Variants in LSM11 observed in about 807,000 individuals in gnomAD.
LSM11 encodes the protein LSM11, U7 small nuclear RNA associated.
LSM11 carries 14 observed loss-of-function variants against 28.1 expected under a neutral mutation model. The ratio of observed to expected loss-of-function variants is 0.50; its 90% CI spans 0.33 to 0.78. LSM11 has a LOEUF of 0.78. LSM11 is among the 30% of genes least tolerant of loss of function. LSM11 has a pLI of 0.02. For synonymous variants in LSM11, 207 were observed against 214.2 expected (o/e 0.97, Z 0.30); for missense variants, 495 against 510.6 (o/e 0.97, Z 0.30).
rs1025932718 is a variant in LSM11 at position 157,755,429 on chromosome 5, G to C, written c.*165G>C. 4 of 737,608 alleles carry C rather than the reference G, an allele frequency of 5.4e-6. No individual in the cohort carries two copies. Among genetic ancestry groups the C allele is most frequent in the Non-Finnish European group, 8.6e-6 (4 of 463,926 alleles). The allele number at this position is 737,608 out of a possible 1,614,324, so 45.7% of individuals were successfully genotyped here. A position where few individuals can be genotyped will look rare whatever the true frequency, so the allele number is the denominator to read the frequency against. On this transcript the variant is annotated 3_prime_UTR_variant, in exon 4 of 4. Coordinates refer to ENST00000286307, the MANE Select transcript of LSM11 (RefSeq NM_173491.4). ...CCCTGGAAGATGAGCTCAAGGGGAG[G>C]ACAGGCCTTGGGAGGGCAGGCGTTT...
rs1761335012 is a variant in LSM11 at position 157,756,833 on chromosome 5, G to A, written c.*1569G>A. The A allele has an allele frequency of 6.6e-6, 1 of 152,570 alleles. No homozygotes were observed. The highest frequency in any genetic ancestry group is 1.9e-4 in the East Asian group (1 of 5,176). The allele number at this position is 152,570 out of a possible 1,614,324, so 9.5% of individuals were successfully genotyped here. The stretch of plus-strand genomic sequence containing the variant: ...TGTTTCATAGCTTTGTAAGAATTCT[G>A]TGTCTTTATAAGACACAGAAGCAAG... On this transcript the variant is annotated 3_prime_UTR_variant, in exon 4 of 4. Transcript: ENST00000286307.
intron 1 of LSM11, among the ~76,000 whole-genome samples, chr5:157,746,306 G>A (rs1408625943): frequency 6.6e-6 from 1 of 152,194 alleles, no homozygotes; most frequent in Non-Finnish European, 1.5e-5. Flanking sequence ...CACATAAAAT[G>A]TAAGTTCCAT....
intron 3 of LSM11, 76 bp from the exon 4 acceptor site, chr5:157,754,778 G>T: frequency 8.0e-7 from 1 of 1,245,896 alleles, no homozygotes; most frequent in Non-Finnish European, 1.1e-6. Context: ...TAAAGAATTT[G>T]GTCTTTTTCT....
chr5:157,751,639 T>A, intron 2 of LSM11, 110 bp downstream of exon 2: 1 of 1,211,002 alleles, frequency 8.3e-7, no homozygotes, highest in Non-Finnish European at 1.2e-6. Context: ...AATAACTTCT[T>A]AGAAGAACTA....
chr5:157,752,118 A>T, intron 2 of LSM11, among the ~76,000 whole-genome samples: 1 of 152,168 alleles, frequency 6.6e-6, no homozygotes, highest in Non-Finnish European at 1.5e-5. Flanking sequence ...AAATAAGGAT[A>T]GAGGTGAAGC....
rs750042158 is a variant in LSM11, at chr5:157,743,947, G to A, written c.197G>A (p.Gly66Glu). The change falls in exon 1 of 4, where the codon GGA becomes GAA. Residue 66 changes from glycine to glutamate, a missense_variant. Gly to Glu is a moderately conservative substitution (Grantham distance 98). Transcript: ENST00000286307. The part of the protein sequence containing the change: ...VAEYESFLRT[G>E]VRGGGRGRGR... Reference sequence around the variant, plus strand: ...GAGTACGAGAGCTTCCTCAGGACCGGAGTCCGGGGCGGCGGGCGCGGGCGC... The same window carrying A: ...GAGTACGAGAGCTTCCTCAGGACCGAAGTCCGGGGCGGCGGGCGCGGGCGC... 1 of 1,391,146 alleles carries A rather than the reference G, an allele frequency of 7.2e-7. No homozygotes were observed. Among genetic ancestry groups the A allele is most frequent in the Admixed American group, 2.7e-5 (1 of 37,650 alleles). The allele number at this position is 1,391,146 out of a possible 1,614,324, so 86.2% of individuals were successfully genotyped here. A position where few individuals can be genotyped will look rare whatever the true frequency, so the allele number is the denominator to read the frequency against.
At chr5:157,754,731 T>A (rs1471183837) in intron 3 of LSM11, 123 bp from the exon 4 acceptor site, 3 of 756,948 alleles carry the variant, frequency 4.0e-6, no homozygotes, top group Non-Finnish European at 6.0e-6. Flanking sequence ...TACTAACTTT[T>A]AAAAAATTGC....
At chr5:157,753,916 C>A in intron 2 of LSM11, 88 bp from the exon 3 acceptor site, 1 of 928,438 alleles carries the variant, frequency 1.1e-6, no homozygotes, top group Non-Finnish European at 1.5e-6. Context: ...ATAGATGTTA[C>A]TCTGCCTTTT....
In LSM11 at chr5:157,744,178, A is replaced by G. The variant is rs1455282425; in HGVS notation, c.428A>G (p.Asn143Ser). ...GGTCGGAGCAGGAAGGCGCCACGCA[A>G]CGTGCTCACGCGAATGCCCTGTGAG... ...GPGRSRKAPR[N>S]VLTRMPLHEG... Residue 143 changes from asparagine (N) to serine (S), a missense_variant, in exon 1 of 4, where the codon AAC becomes AGC. Asn to Ser is a conservative substitution (Grantham distance 46). Coordinates refer to ENST00000286307, the MANE Select transcript of LSM11 (RefSeq NM_173491.4). 29 of 1,348,128 alleles carry G rather than the reference A, an allele frequency of 2.2e-5. No individual in the cohort carries two copies. Among genetic ancestry groups the G allele is most frequent in the Non-Finnish European group, 2.5e-5 (26 of 1,048,224 alleles). 83.5% of individuals were successfully genotyped at this position (1,348,128 alleles called of 1,614,324 possible). A position where few individuals can be genotyped will look rare whatever the true frequency, so the allele number is the denominator to read the frequency against.
rs1761309904 is a variant in LSM11 at position 157,755,491 on chromosome 5, T to C, written c.*227T>C. 2 of 569,722 alleles carry C rather than the reference T, an allele frequency of 3.5e-6. No individual in the cohort carries two copies. The highest frequency in any genetic ancestry group is 6.6e-5 in the Admixed American group (2 of 30,276). The allele number at this position is 569,722 out of a possible 1,614,324, so 35.3% of individuals were successfully genotyped here. A position where few individuals can be genotyped will look rare whatever the true frequency, so the allele number is the denominator to read the frequency against. On this transcript the variant is annotated 3_prime_UTR_variant, in exon 4 of 4. Transcript: ENST00000286307. ...AAGGCAAAAAGCATTCATAGATACA[T>C]GCATCTGATTTGGTATTGTGATTTA...
intron 1 of LSM11, chr5:157,747,484 C>G (rs555629242): frequency 6.2e-4 from 141 of 226,180 alleles, no homozygotes; most frequent in African/African-American, 3.0e-3. Flanking sequence ...TTCAGTTTTC[C>G]TGCAGGGAGC....
In LSM11 at chr5:157,757,493, G is replaced by T. The variant is rs1009914482; in HGVS notation, c.*2229G>T. 1 of 152,152 alleles carries T rather than the reference G, an allele frequency of 6.6e-6. No individual in the cohort carries two copies. Among genetic ancestry groups the T allele is most frequent in the Non-Finnish European group, 1.5e-5 (1 of 68,010 alleles). The allele number at this position is 152,152 out of a possible 1,614,324, so 9.4% of individuals were successfully genotyped here. A position where few individuals can be genotyped will look rare whatever the true frequency, so the allele number is the denominator to read the frequency against. Reference sequence around the variant, plus strand: ...AAAGGGCAATCTGTGGAAGTTTGTTGTTTGTTTGTTTTTATTTTTAAATGC... The same window carrying T: ...AAAGGGCAATCTGTGGAAGTTTGTTTTTTGTTTGTTTTTATTTTTAAATGC... On this transcript the variant is annotated 3_prime_UTR_variant, in exon 4 of 4. Coordinates refer to ENST00000286307, the MANE Select transcript of LSM11 (RefSeq NM_173491.4).
intron 1 of LSM11, among the ~76,000 whole-genome samples, chr5:157,748,884 A>C (rs1222907711): frequency 2.0e-5 from 3 of 152,190 alleles, no homozygotes; most frequent in Admixed American, 6.5e-5. Flanking sequence ...TCCAAAGATA[A>C]GGCATATGCT....
In LSM11 at chr5:157,755,050, G is replaced by A. The variant is rs745824366; in HGVS notation, c.869G>A (p.Arg290Lys). The change falls in exon 4 of 4, where the codon AGG becomes AAG. Residue 290 changes from arginine (R) to lysine (K), a missense_variant. Physicochemically the swap from Arg to Lys is conservative, Grantham distance 26. Transcript: ENST00000286307. Reference protein sequence around the residue: ...SVPSSLQASAREESRSELSGR... With the variant: ...SVPSSLQASAKEESRSELSGR... ...CCTTCTTCCCTGCAGGCCTCTGCAA[G>A]GGAGGAGTCCAGGTCAGAGCTGTCA... is the stretch of plus-strand genomic sequence containing the variant. 6.2e-7 allele frequency: 1 copy of A among 1,614,228 alleles called. No individual in the cohort carries two copies. Among genetic ancestry groups the A allele is most frequent in the Non-Finnish European group, 8.5e-7 (1 of 1,180,036 alleles).
intron 1 of LSM11, among the ~76,000 whole-genome samples, chr5:157,748,922 T>C (rs190137714): frequency 6.6e-6 from 1 of 152,224 alleles, no homozygotes; most frequent in Non-Finnish European, 1.5e-5. Flanking sequence ...CATAGAAACC[T>C]GACTCATATC....
chr5:157,744,610 C>G (rs1761118404), intron 1 of LSM11, among the ~76,000 whole-genome samples: 1 of 151,940 alleles, frequency 6.6e-6, no homozygotes, highest in Non-Finnish European at 1.5e-5. Context: ...ATAGGGACGT[C>G]TACAGAGGTG....
Position 157,758,345 on chromosome 5 carries a change from A to T in LSM11, c.*3081A>T, listed in dbSNP as rs1487911066. On this transcript the variant is annotated 3_prime_UTR_variant, in exon 4 of 4. Coordinates refer to ENST00000286307, the MANE Select transcript of LSM11 (RefSeq NM_173491.4). ...GGTCTTGAACTCCTGACCTTGGGTGATCCACCTGCCTCAGCCTCCCAAAGT... is the reference window on the plus strand; with the variant it reads ...GGTCTTGAACTCCTGACCTTGGGTGTTCCACCTGCCTCAGCCTCCCAAAGT... The T allele has an allele frequency of 1.3e-5, 2 of 152,214 alleles. No homozygotes were observed. Among genetic ancestry groups the T allele is most frequent in the Non-Finnish European group, 2.9e-5 (2 of 68,048 alleles). The allele number at this position is 152,214 out of a possible 1,614,324, so 9.4% of individuals were successfully genotyped here.
Position 157,759,680 on chromosome 5 carries a change from CT to C in LSM11, c.*4421del. 1 of 152,276 alleles carries C rather than the reference CT, an allele frequency of 6.6e-6. No homozygotes were observed. 9.4% of individuals were successfully genotyped at this position (152,276 alleles called of 1,614,324 possible). A position where few individuals can be genotyped will look rare whatever the true frequency, so the allele number is the denominator to read the frequency against. On this transcript the variant is annotated 3_prime_UTR_variant, in exon 4 of 4. Transcript: ENST00000286307. ...TGCCAGATATAGAATGCAGTCAACC[CT>C]TTTTCAGTAACTTATGTTCACCAGT...
rs776537777 is a variant in LSM11, at chr5:157,754,007, C to T, written c.592C>T (p.Leu198Phe). Reference sequence around the variant, plus strand: ...TCCTTTTGGGCTGTTCCTCTAGGCACTTACTGATGTGGATGAGACCTACCG... The same window carrying T: ...TCCTTTTGGGCTGTTCCTCTAGGCATTTACTGATGTGGATGAGACCTACCG... ...VAFDKFWNMA[L>F]TDVDETYRKP... The change falls in exon 3 of 4, where the codon CTT (leucine) becomes TTT (phenylalanine). Residue 198 changes from leucine (L) to phenylalanine (F), a missense_variant. By Grantham distance (22) the Leu-to-Phe change is conservative (BLOSUM62 0). Coordinates refer to ENST00000286307, the MANE Select transcript of LSM11 (RefSeq NM_173491.4). 16 of 1,541,466 alleles carry T rather than the reference C, an allele frequency of 1.0e-5. No homozygotes were observed. Among genetic ancestry groups the T allele is most frequent in the Non-Finnish European group, 2.6e-6 (3 of 1,146,716 alleles).
Sources: gnomAD v4.1 joint callset for allele counts (sites outside exome capture counted in the v4.1 genomes callset) on GRCh38, gnomAD v4.1.1 for gene constraint, MANE v1.5 for transcripts, NCBI Gene and HGNC (gene_info 2026-07-23, HGNC 2026-07-21) for gene names.